GLIS3: variants seen among roughly 807,000 people sequenced by gnomAD.
GLIS3 encodes the protein GLIS family zinc finger 3.
In GLIS3, 53 loss-of-function variants were observed where a neutral mutation model predicts 78.6. The ratio of observed to expected loss-of-function variants is 0.67; its 90% CI spans 0.54 to 0.85. GLIS3 has a LOEUF of 0.85. Among genes scored for constraint, GLIS3 ranks in the 40% least tolerant of loss-of-function variants. The pLI, the probability that GLIS3 is intolerant of heterozygous loss-of-function variation, is 0.00. For missense variants in GLIS3, 1,703 were observed against 1,231.1 expected (o/e 1.38, Z -5.74); for synonymous variants, 684 against 509.9 (o/e 1.34, Z -4.60).
At chr9:4,431,905 T>C in the GLIS3 span, among the ~76,000 whole-genome samples, 2 of 151,168 alleles carry the variant, frequency 1.3e-5, no homozygotes, top group Non-Finnish European at 2.9e-5. Context: ...CCCTATGGTC[T>C]CTGTCACAAC....
chr9:4,124,658 G>T (rs1022499352), intron 3 of GLIS3, among the ~76,000 whole-genome samples: 8 of 152,178 alleles, frequency 5.3e-5, no homozygotes, highest in African/African-American at 2.4e-5. Context: ...AATGATTCAG[G>T]AACTATGATT....
At chr9:4,034,144 G>A (rs1588499740) in intron 4 of GLIS3, among the ~76,000 whole-genome samples, 1 of 151,928 alleles carries the variant, frequency 6.6e-6, no homozygotes, top group South Asian at 2.1e-4. Context: ...TAAGAGGATT[G>A]CTTGAGCCCA....
the GLIS3 span, among the ~76,000 whole-genome samples, chr9:4,461,091 A>G: frequency 6.6e-6 from 1 of 152,218 alleles, no homozygotes; most frequent in Non-Finnish European, 1.5e-5. Flanking sequence ...AACAAGTCTC[A>G]GAGCATGAAT....
the GLIS3 span, among the ~76,000 whole-genome samples, chr9:4,369,951 G>A: frequency 6.6e-6 from 1 of 152,112 alleles, no homozygotes; most frequent in Non-Finnish European, 1.5e-5. Context: ...CAGCATTTTG[G>A]GAGGCCGAGG....
intron 2 of GLIS3, among the ~76,000 whole-genome samples, chr9:4,161,713 T>C (rs1190969851): frequency 1.4e-5 from 2 of 139,940 alleles, no homozygotes; most frequent in Non-Finnish European, 1.5e-5. Context: ...AGTTTCGCTC[T>C]GTCGCCCAAG....
the GLIS3 span, among the ~76,000 whole-genome samples, chr9:4,400,698 C>T: frequency 6.6e-6 from 1 of 152,196 alleles, no homozygotes; most frequent in African/African-American, 2.4e-5. Flanking sequence ...TTTTAGAGGA[C>T]TTCATCTTGC....
chr9:3,876,415 A>C (rs544213971), intron 8 of GLIS3, among the ~76,000 whole-genome samples: 3 of 151,956 alleles, frequency 2.0e-5, no homozygotes, highest in Non-Finnish European at 4.4e-5. Flanking sequence ...AACATTATTC[A>C]CAAAATTTGG....
intron 2 of GLIS3, among the ~76,000 whole-genome samples, chr9:4,261,519 T>C (rs60226728): frequency 0.025 from 3,756 of 152,246 alleles, 162 homozygotes; most frequent in African/African-American, 0.085. Flanking sequence ...TTTTTCTTAC[T>C]GCTCAGAGTA....
At chr9:3,898,574 A>C (rs770314984) in intron 7 of GLIS3, 117 bp downstream of exon 7, 98 of 1,211,034 alleles carry the variant, frequency 8.1e-5, no homozygotes, top group Non-Finnish European at 2.9e-5. Context: ...CAGCCCATTG[A>C]TAAAGAACAA....
At chr9:4,388,092 C>T in the GLIS3 span, among the ~76,000 whole-genome samples, 1 of 152,182 alleles carries the variant, frequency 6.6e-6, no homozygotes. Flanking sequence ...TTCTTACCTG[C>T]ATTCAGCCTT....
At chr9:4,025,437 G>A (rs933055775) in intron 4 of GLIS3, among the ~76,000 whole-genome samples, 1 of 152,074 alleles carries the variant, frequency 6.6e-6, no homozygotes, top group Non-Finnish European at 1.5e-5. Context: ...GGCCAGGCTG[G>A]AGTGGGGTGG....
chr9:4,420,927 T>G, the GLIS3 span, among the ~76,000 whole-genome samples: 1 of 152,240 alleles, frequency 6.6e-6, no homozygotes, highest in African/African-American at 2.4e-5. Context: ...CCTTCATTTT[T>G]GTAGCACTTG....
chr9:3,836,538 C>T (rs775232062), intron 9 of GLIS3, among the ~76,000 whole-genome samples: 5 of 152,222 alleles, frequency 3.3e-5, no homozygotes, highest in Non-Finnish European at 7.3e-5. Flanking sequence ...TCTTTTCCAG[C>T]ACTCTATGGC....
intron 4 of GLIS3, among the ~76,000 whole-genome samples, chr9:4,067,516 GA>G (rs1162573326): frequency 2.0e-5 from 3 of 151,964 alleles, no homozygotes; most frequent in African/African-American, 7.3e-5. Flanking sequence ...CAGCCATGAA[GA>G]ATCATTGTAA....
Position 4,118,358 on chromosome 9 carries a change from C to G in GLIS3, c.1120G>C (p.Val374Leu), listed in dbSNP as rs757964651. The G allele has an allele frequency of 1.3e-6, 2 of 1,586,318 alleles. No individual in the cohort carries two copies. ...PVPGSQKGVL[V>L]APGGLALPAY... ...GGCAGCGCCAGGCCTCCAGGGGCCA[C>G]CAGCACGCCCTTCTGGCTGCCGGGC... is the stretch of plus-strand genomic sequence containing the variant. The change falls in exon 4 of 11, where the codon GTG becomes CTG. Residue 374 changes from valine to leucine, a missense_variant. Coordinates refer to ENST00000381971, the MANE Select transcript of GLIS3 (RefSeq NM_001042413.2). The surrounding 1 kb of genome is among the most constrained non-coding windows in gnomAD (Gnocchi z 4.7).
At chr9:4,310,600 T>G (rs1023789167) in intron 2 of GLIS3, 13 of 152,386 alleles carry the variant, frequency 8.5e-5, no homozygotes, top group African/African-American at 3.1e-4. Context: ...CCTCCAAAGC[T>G]AAACTATATG....
rs138582265 is a variant in GLIS3, at chr9:4,159,330, A to G, written c.389-33389T>C. Among the ~76,000 whole-genome samples, 234 of 152,296 alleles carry G rather than the reference A, an allele frequency of 1.5e-3. 1 individual carries two copies. The highest frequency in any genetic ancestry group is 5.4e-3 in the African/African-American group (223 of 41,562). ...CCTTGTCTTGGCCCTTTCTTTCAATACGGATGATCATGTTCTACCCTTTCT... is the reference window on the plus strand; with the variant it reads ...CCTTGTCTTGGCCCTTTCTTTCAATGCGGATGATCATGTTCTACCCTTTCT... On this transcript the variant is annotated intron_variant, in intron 2 of 10. Transcript: ENST00000381971.
intron 2 of GLIS3, among the ~76,000 whole-genome samples, chr9:4,335,460 G>C (rs1170130951): frequency 6.6e-6 from 1 of 152,046 alleles, no homozygotes; most frequent in Non-Finnish European, 1.5e-5. Flanking sequence ...CTCCATAAAG[G>C]GCTTCTGCTC....
At chr9:3,978,692 A>G (rs1394449289) in intron 4 of GLIS3, among the ~76,000 whole-genome samples, 1 of 152,050 alleles carries the variant, frequency 6.6e-6, no homozygotes, top group Non-Finnish European at 1.5e-5. Context: ...ATGAGTATGT[A>G]TTATACACAC....
Sources: allele counts gnomAD v4.1 joint callset (sites outside exome capture counted in the v4.1 genomes callset), GRCh38; gene constraint gnomAD v4.1.1; non-coding constraint Gnocchi (gnomAD v3.1); transcripts MANE v1.5; gene names NCBI Gene and HGNC (gene_info 2026-07-23, HGNC 2026-07-21).